ABLIM2: variants seen among roughly 807,000 people sequenced by gnomAD.
The protein encoded by ABLIM2 is actin-binding LIM protein 2.
ABLIM2 carries 53 observed loss-of-function variants against 97.7 expected under a neutral mutation model. That is an observed-to-expected ratio of 0.54 (90% CI 0.44 to 0.68). The LOEUF (loss-of-function observed/expected upper bound fraction) is 0.68. Among genes scored for constraint, ABLIM2 ranks in the 30% least tolerant of loss-of-function variants. The pLI is 0.00. For synonymous variants in ABLIM2, 361 were observed against 345.8 expected (o/e 1.04, Z -0.49); for missense variants, 835 against 867.2 (o/e 0.96, Z 0.47).
Position 8,054,800 on chromosome 4 carries a change from G to A in ABLIM2, c.764-554C>T, listed in dbSNP as rs1798050906. On this transcript the variant is annotated intron_variant, in intron 7 of 20. Coordinates refer to ENST00000447017, the MANE Select transcript of ABLIM2 (RefSeq NM_001130083.2). This position sits in a 1 kb window ranked among gnomAD's most constrained non-coding sequence, Gnocchi z 4.9. ...GGGCCTGCTCCTTAGGGTATGGGGT[G>A]AAGAACAGGTGTGTTCGGTGGGAGC... Among the ~76,000 whole-genome samples the A allele has an allele frequency of 6.6e-6, 1 of 152,102 alleles. No individual in the cohort carries two copies. Among genetic ancestry groups the A allele is most frequent in the Admixed American group, 6.6e-5 (1 of 15,258 alleles).
At position 8,085,913 on chromosome 4, in the gene ABLIM2, C is replaced by T. The variant is rs1311954181; in HGVS notation, c.454+2256G>A. Among the ~76,000 whole-genome samples the T allele has an allele frequency of 7.2e-6, 1 of 139,674 alleles. No homozygotes were observed. Among genetic ancestry groups the T allele is most frequent in the African/African-American group, 2.7e-5 (1 of 36,514 alleles). The allele number at this position is 139,674 out of a possible 152,430, so 91.6% of individuals were successfully genotyped here. On this transcript the variant is annotated intron_variant, in intron 4 of 20. Coordinates refer to ENST00000447017, the MANE Select transcript of ABLIM2 (RefSeq NM_001130083.2). The surrounding 1 kb of genome is among the most constrained non-coding windows in gnomAD (Gnocchi z 6.1). ...GCTTTGGAGTTGAAAGGCCTTGGCC[C>T]ACCCCTCGGCACTTCCGCCCCCTGA...
rs6817309 is a variant in ABLIM2, at chr4:8,007,487, T to C, written c.1618+572A>G. 7.0e-3 allele frequency: 6,873 copies of C among 985,520 alleles called. 348 individuals carry two copies. The African/African-American group carries it at 0.11, about 15-fold the overall frequency. 61.0% of individuals were successfully genotyped at this position (985,520 alleles called of 1,614,324 possible). A position where few individuals can be genotyped will look rare whatever the true frequency, so the allele number is the denominator to read the frequency against. On this transcript the variant is annotated intron_variant, in intron 16 of 20. Transcript: ENST00000447017. ...CTTGCTACTGGTTTTCACCTATGAT[T>C]TACAGCGGCCGGAAGCAAACAGCAT...
intron 1 of ABLIM2, among the ~76,000 whole-genome samples, chr4:8,117,746 C>T (rs1023326160): frequency 6.6e-6 from 1 of 152,114 alleles, no homozygotes; most frequent in African/African-American, 2.4e-5. Context: ...TTATTATCTC[C>T]TGGGCATGTT....
intron 14 of ABLIM2, among the ~76,000 whole-genome samples, chr4:8,009,851 A>G (rs1763786634): frequency 1.3e-5 from 2 of 152,188 alleles, no homozygotes; most frequent in African/African-American, 4.8e-5. Context: ...ACCATTTCAC[A>G]GATCGGGAGA....
At chr4:8,129,403 G>C (rs974685242) in intron 1 of ABLIM2, among the ~76,000 whole-genome samples, 9 of 152,116 alleles carry the variant, frequency 5.9e-5, no homozygotes, top group Admixed American at 1.3e-4. Flanking sequence ...CCCGAAACAC[G>C]GCCAGCACCA....
chr4:8,094,140 T>C (rs1291791770), intron 3 of ABLIM2, among the ~76,000 whole-genome samples: 1 of 152,232 alleles, frequency 6.6e-6, no homozygotes, highest in Non-Finnish European at 1.5e-5. Context: ...ACTTCGGCCA[T>C]TGTATTTTTC....
rs1024502191 is a variant in ABLIM2, at chr4:8,071,789, A to G, written c.675+5839T>C. On this transcript the variant is annotated intron_variant, in intron 6 of 20. Coordinates refer to ENST00000447017, the MANE Select transcript of ABLIM2 (RefSeq NM_001130083.2). This position sits in a 1 kb window ranked among gnomAD's most constrained non-coding sequence, Gnocchi z 6.2. The stretch of plus-strand genomic sequence containing the variant: ...CCTACCTGCACAGCTTCTGGGCACC[A>G]GAGCCCAGTCTGACGGCCCTGCTTG... 13 of 981,098 alleles carry G rather than the reference A, an allele frequency of 1.3e-5. No homozygotes were observed. Among genetic ancestry groups the G allele is most frequent in the Non-Finnish European group, 1.1e-5 (9 of 828,876 alleles). 60.8% of individuals were successfully genotyped at this position (981,098 alleles called of 1,614,324 possible).
At chr4:8,007,759 C>T in intron 16 of ABLIM2, 1 of 1,161,980 alleles carries the variant, frequency 8.6e-7, no homozygotes, top group Non-Finnish European at 1.1e-6. Flanking sequence ...GGACGCCTTT[C>T]TCCTAAACAG....
chr4:7,969,629 G>A (rs1725971773), intron 20 of ABLIM2, among the ~76,000 whole-genome samples: 2 of 152,048 alleles, frequency 1.3e-5, no homozygotes, highest in Non-Finnish European at 1.5e-5. Flanking sequence ...TGCAGCCCCA[G>A]TAGTTGGGGT....
rs552548420 is a variant in ABLIM2, at chr4:8,112,160, T to C, written c.11-5523A>G. Among the ~76,000 whole-genome samples, 1 of 152,044 alleles carries C rather than the reference T, an allele frequency of 6.6e-6. No homozygotes were observed. Among genetic ancestry groups the C allele is most frequent in the South Asian group, 2.1e-4 (1 of 4,814 alleles). ...GAAGCCCCACCGGGAATAACAAAAA[T>C]GATTGCTGGTGTCGTTAACACACAA... is the stretch of plus-strand genomic sequence containing the variant. On this transcript the variant is annotated intron_variant, in intron 1 of 20. Transcript: ENST00000447017. The surrounding 1 kb of genome is among the most constrained non-coding windows in gnomAD (Gnocchi z 4.2).
chr4:8,134,602 G>T (rs138013612), intron 1 of ABLIM2, among the ~76,000 whole-genome samples: 3 of 152,202 alleles, frequency 2.0e-5, no homozygotes, highest in Non-Finnish European at 4.4e-5. Flanking sequence ...CAAAGAAAGG[G>T]ACAGGAAATT....
chr4:8,045,224 T>C lies in ABLIM2; in HGVS notation c.840A>G (p.Ser280=). ...AAGCAGGGACAGAAATGATGCTCTCTGAGGAAGTTCTGGTTTCCTGAGAAA... is the reference window on the plus strand; with the variant it reads ...AAGCAGGGACAGAAATGATGCTCTCCGAGGAAGTTCTGGTTTCCTGAGAAA... ...EDRNKETRTS[S]ESIISVPASS... is the part of the protein sequence containing the mutation. Residue 280 remains serine, a synonymous_variant, in exon 9 of 21, where the codon TCA becomes TCG. Coordinates refer to ENST00000447017, the MANE Select transcript of ABLIM2 (RefSeq NM_001130083.2). The C allele has an allele frequency of 6.2e-7, 1 of 1,613,956 alleles. No individual in the cohort carries two copies. The highest frequency in any genetic ancestry group is 8.5e-7 in the Non-Finnish European group (1 of 1,179,818).
chr4:8,116,297 C>T (rs111895514), intron 1 of ABLIM2, among the ~76,000 whole-genome samples: 3 of 152,248 alleles, frequency 2.0e-5, no homozygotes, highest in Admixed American at 6.5e-5. Context: ...TTGCTCACAT[C>T]GTTTCTATGC....
rs566228659 is a variant in ABLIM2, at chr4:7,998,497, A to T, written c.1619-5570T>A. On this transcript the variant is annotated intron_variant, in intron 16 of 20. Transcript: ENST00000447017. The surrounding 1 kb of genome is among the most constrained non-coding windows in gnomAD (Gnocchi z 6.4). ...CCTGCCGGTGCTGCCTGTGGGGATA[A>T]AATGCCCTTCTTGGGGTGTCCTGTG... The T allele has an allele frequency of 1.9e-4, 83 of 426,220 alleles. No homozygotes were observed. Among genetic ancestry groups the T allele is most frequent in the South Asian group, 1.4e-3 (83 of 60,508 alleles). 26.4% of individuals were successfully genotyped at this position (426,220 alleles called of 1,614,324 possible).
intron 6 of ABLIM2, among the ~76,000 whole-genome samples, chr4:8,062,681 C>T (rs552089437): frequency 5.9e-5 from 9 of 152,142 alleles, no homozygotes; most frequent in South Asian, 4.1e-4. Context: ...CCTCGTGATC[C>T]GCCCGCCTCA....
chr4:8,056,269 GT>G (rs1264485690), intron 7 of ABLIM2, among the ~76,000 whole-genome samples: 1 of 150,480 alleles, frequency 6.6e-6, no homozygotes, highest in Non-Finnish European at 1.5e-5. Flanking sequence ...AATGGAAGGG[GT>G]TCAGTGTAAT....
At chr4:8,145,306 C>A (rs1851612568) in intron 1 of ABLIM2, among the ~76,000 whole-genome samples, 1 of 152,046 alleles carries the variant, frequency 6.6e-6, no homozygotes, top group African/African-American at 2.4e-5. Flanking sequence ...GCTTCAGCCT[C>A]CTGAGTAGCT....
chr4:8,121,605 G>A (rs886702557), intron 1 of ABLIM2, among the ~76,000 whole-genome samples: 12 of 152,186 alleles, frequency 7.9e-5, no homozygotes, highest in African/African-American at 2.9e-4. Context: ...CCAACACCAA[G>A]GCTCGGGTCT....
chr4:8,121,024 A>G (rs926858547), intron 1 of ABLIM2, among the ~76,000 whole-genome samples: 1 of 152,214 alleles, frequency 6.6e-6, no homozygotes. Flanking sequence ...CGATAGTCCA[A>G]TCATGGTAAG....
Sources: gnomAD v4.1 joint callset for allele counts (sites outside exome capture counted in the v4.1 genomes callset) on GRCh38, gnomAD v4.1.1 for gene constraint, Gnocchi (gnomAD v3.1) non-coding constraint, MANE v1.5 for transcripts, NCBI Gene and HGNC (gene_info 2026-07-23, HGNC 2026-07-21) for gene names.